EDARADD: variants seen among roughly 807,000 people sequenced by gnomAD.
EDARADD encodes the protein ectodysplasin-A receptor-associated adapter protein.
In EDARADD, 20 loss-of-function variants were observed where a neutral mutation model predicts 25.6. That is an observed-to-expected ratio of 0.78 (90% confidence interval 0.55 to 1.14). The LOEUF (loss-of-function observed/expected upper bound fraction) is 1.14. Ranked by LOEUF, EDARADD falls within the 50% of genes most tolerant of loss-of-function variation. The pLI, the probability that EDARADD is intolerant of heterozygous loss-of-function variation, is 0.00. For synonymous variants in EDARADD, 86 were observed against 94.4 expected, an observed-to-expected ratio of 0.91 and a Z score of 0.52; for missense variants, 225 against 270.1, an observed-to-expected ratio of 0.83 and a Z score of 1.17.
At position 236,484,602 on chromosome 1, in the gene EDARADD, C is replaced by A; in HGVS notation, c.*1953C>A. 1 of 649,454 alleles carries A rather than the reference C, an allele frequency of 1.5e-6. No individual in the cohort carries two copies. Among genetic ancestry groups the A allele is most frequent in the Non-Finnish European group, 2.6e-6 (1 of 378,416 alleles). The allele number at this position is 649,454 out of a possible 1,614,324, so 40.2% of individuals were successfully genotyped here. ...CTAGTTAGCTACCCTTGCCCACCGC[C>A]GTGGAGTTCGCACCTCTTCCTTAGA... On this transcript the variant is annotated 3_prime_UTR_variant, in exon 6 of 6. Transcript: ENST00000334232. The surrounding 1 kb of genome is among the most constrained non-coding windows in gnomAD (Gnocchi z 4.1).
chr1:236,429,403 A>C (rs1658035778), intron 4 of EDARADD, among the ~76,000 whole-genome samples: 1 of 146,768 alleles, frequency 6.8e-6, no homozygotes, highest in Admixed American at 6.8e-5. Context: ...TTTTAGACAG[A>C]GTCTCGCTCT....
intron 5 of EDARADD, 127 bp from the exon 6 acceptor site, chr1:236,482,139 AC>A: frequency 2.7e-6 from 3 of 1,127,678 alleles, no homozygotes; most frequent in Non-Finnish European, 3.9e-6. Flanking sequence ...AAAGAAAGAA[AC>A]GAGCATTCTG....
In EDARADD at chr1:236,484,587, A is replaced by G. The variant is rs1571965742; in HGVS notation, c.*1938A>G. On this transcript the variant is annotated 3_prime_UTR_variant, in exon 6 of 6. Coordinates refer to ENST00000334232, the MANE Select transcript of EDARADD (RefSeq NM_145861.4). This position sits in a 1 kb window ranked among gnomAD's most constrained non-coding sequence, Gnocchi z 4.1. ...TTGTAGGGGCCGCTGCTAGTTAGCTACCCTTGCCCACCGCCGTGGAGTTCG... is the reference window on the plus strand; with the variant it reads ...TTGTAGGGGCCGCTGCTAGTTAGCTGCCCTTGCCCACCGCCGTGGAGTTCG... The G allele has an allele frequency of 1.1e-5, 8 of 732,362 alleles. No homozygotes were observed. The highest frequency in any genetic ancestry group is 5.6e-5 in the East Asian group (2 of 35,436). 45.4% of individuals were successfully genotyped at this position (732,362 alleles called of 1,614,324 possible).
In EDARADD at chr1:236,394,525, C is replaced by G; in HGVS notation, c.61+20C>G. ...AAGAGGGTATGTAGGCATTTGCTGT[C>G]TTCCTGGATTTCTCAGAGCTGAGTT... is the stretch of plus-strand genomic sequence containing the variant. On this transcript the variant is annotated intron_variant, in intron 1 of 5. Coordinates refer to ENST00000334232, the MANE Select transcript of EDARADD (RefSeq NM_145861.4). 6.2e-7 allele frequency: 1 copy of G among 1,609,744 alleles called. No homozygotes were observed. The highest frequency in any genetic ancestry group is 2.2e-5 in the East Asian group (1 of 44,816).
chr1:236,453,558 G>A (rs1658770915), intron 4 of EDARADD, among the ~76,000 whole-genome samples: 2 of 152,170 alleles, frequency 1.3e-5, no homozygotes, highest in South Asian at 2.1e-4. Context: ...TTACAGGCAT[G>A]AGCCACCATG....
chr1:236,378,199 TC>T (rs1165554469), intron 3 of EDARADD, among the ~76,000 whole-genome samples: 5 of 152,168 alleles, frequency 3.3e-5, no homozygotes, highest in Non-Finnish European at 7.3e-5. Flanking sequence ...AATAGTTTCT[TC>T]TAAGATCAGG....
At chr1:236,406,777 A>G (rs1240172623) in intron 1 of EDARADD, among the ~76,000 whole-genome samples, 1 of 152,138 alleles carries the variant, frequency 6.6e-6, no homozygotes, top group Non-Finnish European at 1.5e-5. Context: ...CTCAGCCCTC[A>G]GGCCCTCTGC....
At chr1:236,466,921 G>T (rs540831693) in intron 4 of EDARADD, among the ~76,000 whole-genome samples, 22 of 152,188 alleles carry the variant, frequency 1.4e-4, no homozygotes, top group Non-Finnish European at 2.9e-4. Context: ...ACAAAAATTA[G>T]CCAGGCGTGG....
chr1:236,364,689 ATTGT>A (rs1262207098), intron 3 of EDARADD, among the ~76,000 whole-genome samples: 1 of 139,920 alleles, frequency 7.1e-6, no homozygotes, highest in Non-Finnish European at 1.5e-5. Context: ...TCCATTTCTG[ATTGT>A]TTGTTGCTGG....
intron 3 of EDARADD, among the ~76,000 whole-genome samples, chr1:236,376,149 G>A (rs1235222386): frequency 6.6e-6 from 1 of 151,908 alleles, no homozygotes; most frequent in Non-Finnish European, 1.5e-5. Flanking sequence ...TGGTCAGTCT[G>A]GTTTTGAACT....
At chr1:236,437,743 C>CTTTTTTTTTTTTTTTTTTTTT in intron 4 of EDARADD, among the ~76,000 whole-genome samples, 1 of 88,110 alleles carries the variant, frequency 1.1e-5, no homozygotes, top group Non-Finnish European at 2.5e-5. Context: ...TTGGTTCCTT[C>CTTTTTTTTTTTTTTTTTTTTT]TTTTTTTTTT....
intron 4 of EDARADD, among the ~76,000 whole-genome samples, chr1:236,434,593 C>T (rs988629192): frequency 1.5e-4 from 23 of 152,020 alleles, no homozygotes; most frequent in Admixed American, 1.5e-3. Context: ...GTATATTTTA[C>T]GTGTGGCCCA....
chr1:236,448,427 T>G (rs1183384092), intron 4 of EDARADD, among the ~76,000 whole-genome samples: 1 of 152,164 alleles, frequency 6.6e-6, no homozygotes, highest in African/African-American at 2.4e-5. Context: ...GGTCTGATCC[T>G]AGAGTCAGCC....
intron 3 of EDARADD, among the ~76,000 whole-genome samples, chr1:236,379,593 A>G (rs1326099336): frequency 6.6e-6 from 1 of 152,024 alleles, no homozygotes; most frequent in Non-Finnish European, 1.5e-5. Flanking sequence ...AGCCTGGCCA[A>G]CACGGCGAAA....
intron 2 of EDARADD, among the ~76,000 whole-genome samples, chr1:236,350,498 C>T (rs1666903415): frequency 6.6e-6 from 1 of 152,202 alleles, no homozygotes; most frequent in Non-Finnish European, 1.5e-5. Context: ...TGGTCTCGCA[C>T]TCCTGACCTC....
At chr1:236,376,387 G>T (rs1308461219) in intron 3 of EDARADD, among the ~76,000 whole-genome samples, 1 of 152,114 alleles carries the variant, frequency 6.6e-6, no homozygotes, top group East Asian at 1.9e-4. Flanking sequence ...TATCCGAGAA[G>T]CTTTTTATCT....
rs765992938 is a variant in EDARADD at position 236,482,299 on chromosome 1, T to C, written c.298T>C (p.Cys100Arg). 4.3e-6 allele frequency: 7 copies of C among 1,613,980 alleles called. No individual in the cohort carries two copies. In the African/African-American group the frequency reaches 6.7e-5, roughly 15 times the overall value. ...CAAGGACAACTCCTGCAAAGAAAAC[T>C]GTACTTGTTCCTCCTGCTTGCTCCG... The part of the protein sequence containing the change: ...ISKDNSCKEN[C>R]TCSSCLLRAP... Residue 100 changes from cysteine (C) to arginine (R), a missense_variant, in exon 6 of 6, where the codon TGT (cysteine) becomes CGT (arginine). By Grantham distance (180) the Cys-to-Arg change is radical (BLOSUM62 -3). Coordinates refer to ENST00000334232, the MANE Select transcript of EDARADD (RefSeq NM_145861.4).
intron 2 of EDARADD, among the ~76,000 whole-genome samples, chr1:236,411,232 C>T (rs1164277921): frequency 6.6e-6 from 1 of 152,068 alleles, no homozygotes; most frequent in South Asian, 2.1e-4. Context: ...TTAGGGCTGT[C>T]GCAACAGAAT....
intron 1 of EDARADD, among the ~76,000 whole-genome samples, chr1:236,405,874 C>CTTCCTTCCTTCCTTCCTTCTTTCT (rs56931070): frequency 1.3e-4 from 4 of 30,896 alleles, no homozygotes; most frequent in Non-Finnish European, 2.5e-4. Flanking sequence ...TCCTTCCTTC[C>CTTCCTTCCTTCCTTCCTTCTTTCT]TTCTTTCTTT....
Sources: allele counts gnomAD v4.1 joint callset (sites outside exome capture counted in the v4.1 genomes callset), GRCh38; gene constraint gnomAD v4.1.1; non-coding constraint Gnocchi (gnomAD v3.1); transcripts MANE v1.5; gene names NCBI Gene and HGNC (gene_info 2026-07-23, HGNC 2026-07-21).